The following RNLS variants were observed in gnomAD, a reference collection of about 807,000 sequenced individuals.
RNLS encodes the protein renalase, FAD dependent amine oxidase, also known as renalase.
A neutral mutation model predicts 39.8 loss-of-function variants in RNLS; 39 were observed. The observed-to-expected ratio is 0.98, with a 90% CI of 0.76 to 1.28. The LOEUF is 1.28. Ranked by LOEUF, RNLS falls within the 50% of genes most tolerant of loss-of-function variation. RNLS has a pLI of 0.00. For synonymous variants in RNLS, 147 were observed against 150.7 expected (o/e 0.98, Z 0.18); for missense variants, 410 against 413.3 (o/e 0.99, Z 0.07).
intron 4 of RNLS, among the ~76,000 whole-genome samples, chr10:88,526,572 G>A (rs1302519144): frequency 1.3e-5 from 2 of 151,834 alleles, no homozygotes; most frequent in African/African-American, 4.8e-5. Context: ...AGACAAACCT[G>A]GGCAACATAG....
At chr10:88,407,416 G>A (rs1249394925) in intron 4 of RNLS, among the ~76,000 whole-genome samples, 2 of 151,882 alleles carry the variant, frequency 1.3e-5, no homozygotes, top group African/African-American at 4.8e-5. Flanking sequence ...TGATGAGAGG[G>A]TGAGAAAAAG....
In RNLS at chr10:88,548,412, G is replaced by T. The variant is rs375515913; in HGVS notation, c.526+24491C>A. Among the ~76,000 whole-genome samples the T allele has an allele frequency of 6.7e-5, 10 of 149,728 alleles. No individual in the cohort carries two copies. In the East Asian group the frequency reaches 9.6e-4, roughly 14 times the overall value. ...CCCAGCACTTTGGGAGGCTGAGATGGGTGGATCACTTGAGGTCAGGAGTTC... is the reference window on the plus strand; with the variant it reads ...CCCAGCACTTTGGGAGGCTGAGATGTGTGGATCACTTGAGGTCAGGAGTTC... On this transcript the variant is annotated intron_variant, in intron 4 of 6. Coordinates refer to ENST00000331772, the MANE Select transcript of RNLS (RefSeq NM_001031709.3).
chr10:88,227,146 A>C, the RNLS span, among the ~76,000 whole-genome samples: 1 of 152,204 alleles, frequency 6.6e-6, no homozygotes, highest in African/African-American at 2.4e-5. Context: ...AATGTTTACT[A>C]TCTGGCCCTT....
intron 4 of RNLS, chr10:88,545,603 T>C (rs905735503): frequency 2.6e-6 from 1 of 380,934 alleles, no homozygotes; most frequent in African/African-American, 2.1e-5. Context: ...CCATGACACG[T>C]GGGGATTATG....
intron 4 of RNLS, among the ~76,000 whole-genome samples, chr10:88,473,708 C>A (rs1289503367): frequency 1.4e-5 from 2 of 146,348 alleles, no homozygotes; most frequent in African/African-American, 2.4e-5. Flanking sequence ...TTTGGGCAAC[C>A]CTTTAGACCT....
chr10:88,469,861 G>A (rs1179418142), intron 4 of RNLS, among the ~76,000 whole-genome samples: 1 of 137,424 alleles, frequency 7.3e-6, no homozygotes, highest in East Asian at 2.2e-4. Context: ...GTGTGTGTGT[G>A]CTTTGCTCCA....
chr10:88,178,058 G>C, the RNLS span, among the ~76,000 whole-genome samples: 3 of 152,322 alleles, frequency 2.0e-5, no homozygotes, highest in Admixed American at 2.0e-4. Flanking sequence ...TCAGGTTCTG[G>C]AAGGGCACAC....
chr10:88,469,828 T>C (rs1257695895), intron 4 of RNLS, among the ~76,000 whole-genome samples: 4 of 123,614 alleles, frequency 3.2e-5, no homozygotes, highest in East Asian at 2.2e-4. Context: ...TGTGCGTGTG[T>C]GTGTGTGTGT....
intron 4 of RNLS, among the ~76,000 whole-genome samples, chr10:88,538,915 G>C (rs1159963577): frequency 6.6e-6 from 1 of 152,048 alleles, no homozygotes; most frequent in Non-Finnish European, 1.5e-5. Context: ...GGCCAAATAG[G>C]GTGTCTCCCA....
Position 88,306,974 on chromosome 10 carries a change from T to C in RNLS, c.876+7492A>G, listed in dbSNP as rs181957120. Among the ~76,000 whole-genome samples the C allele has an allele frequency of 6.0e-4, 91 of 152,278 alleles. 2 individuals are homozygous for C. The highest frequency in any genetic ancestry group is 2.0e-3 in the African/African-American group (84 of 41,562). The stretch of plus-strand genomic sequence containing the variant: ...CAGCACATCAAAATCTTATCCACCA[T>C]GATCAAGTAGGCTTTATCCCTGGGA... On this transcript the variant is annotated intron_variant, in intron 6 of 6. Transcript: ENST00000331772.
chr10:88,578,367 T>C (rs893777309), intron 3 of RNLS, among the ~76,000 whole-genome samples: 1 of 152,160 alleles, frequency 6.6e-6, no homozygotes, highest in Non-Finnish European at 1.5e-5. Context: ...TCATTCTGAT[T>C]TCAGGGACTG....
chr10:88,411,689 G>C (rs1212796032), intron 4 of RNLS, among the ~76,000 whole-genome samples: 2 of 152,106 alleles, frequency 1.3e-5, no homozygotes, highest in Non-Finnish European at 2.9e-5. Context: ...ACCTAAATGG[G>C]AAGACAGATA....
chr10:88,254,712 A>T, the RNLS span, among the ~76,000 whole-genome samples: 3 of 152,244 alleles, frequency 2.0e-5, no homozygotes, highest in African/African-American at 7.2e-5. Flanking sequence ...CACACCGGGT[A>T]TTTAATACCT....
At chr10:88,194,445 G>A in the RNLS span, among the ~76,000 whole-genome samples, 1 of 152,206 alleles carries the variant, frequency 6.6e-6, no homozygotes, top group South Asian at 2.1e-4. Context: ...CTCCTTCTCT[G>A]ATGACTCAGG....
intron 4 of RNLS, among the ~76,000 whole-genome samples, chr10:88,395,067 T>C (rs887496317): frequency 7.2e-5 from 11 of 151,944 alleles, no homozygotes; most frequent in African/African-American, 2.7e-4. Context: ...GGGAGAGGGA[T>C]AGCATTAGGA....
chr10:88,199,247 T>C, the RNLS span, among the ~76,000 whole-genome samples: 2 of 152,164 alleles, frequency 1.3e-5, no homozygotes, highest in African/African-American at 4.8e-5. Context: ...TGGAAACATC[T>C]AGATAGATTT....
At chr10:88,319,349 G>A (rs1846006126) in intron 5 of RNLS, among the ~76,000 whole-genome samples, 1 of 152,056 alleles carries the variant, frequency 6.6e-6, no homozygotes, top group Non-Finnish European at 1.5e-5. Context: ...ATCAGTGCAA[G>A]AACTCTAGTA....
intron 5 of RNLS, among the ~76,000 whole-genome samples, chr10:88,344,503 C>G (rs1848180092): frequency 6.6e-6 from 1 of 151,984 alleles, no homozygotes; most frequent in Non-Finnish European, 1.5e-5. Flanking sequence ...ACGATTGGAT[C>G]TGGGTATTTT....
the RNLS span, among the ~76,000 whole-genome samples, chr10:88,197,870 A>G: frequency 1.3e-5 from 2 of 152,230 alleles, no homozygotes; most frequent in African/African-American, 4.8e-5. Context: ...GGTCTTCACC[A>G]GAAACTCACC....
Sources: allele counts gnomAD v4.1 joint callset (sites outside exome capture counted in the v4.1 genomes callset), GRCh38; gene constraint gnomAD v4.1.1; transcripts MANE v1.5; gene names NCBI Gene and HGNC (gene_info 2026-07-23, HGNC 2026-07-21).